The following MICU2 variants were observed in gnomAD, a reference collection of about 807,000 sequenced individuals.
The protein encoded by MICU2 is calcium uptake protein 2, mitochondrial.
MICU2 carries 64 observed loss-of-function variants against 60.4 expected under a neutral mutation model. That is an observed-to-expected ratio of 1.06 (90% CI 0.87 to 1.31). The LOEUF is 1.31. Among genes scored for constraint, MICU2 ranks in the 50% most tolerant of loss-of-function variants. The pLI is 0.00. For missense variants in MICU2, 569 were observed against 531.0 expected (o/e 1.07, Z -0.70); for synonymous variants, 201 against 175.0 (o/e 1.15, Z -1.17).
At chr13:21,526,957 T>C (rs934205021) in intron 4 of MICU2, among the ~76,000 whole-genome samples, 15 of 152,184 alleles carry the variant, frequency 9.9e-5, no homozygotes, top group Non-Finnish European at 2.9e-5. Flanking sequence ...GGGCCAAAGG[T>C]AGTTCAGAGC....
At chr13:21,553,296 C>G (rs1261395297) in intron 2 of MICU2, among the ~76,000 whole-genome samples, 3 of 152,030 alleles carry the variant, frequency 2.0e-5, no homozygotes, top group African/African-American at 7.2e-5. Flanking sequence ...AGACTTTGCT[C>G]AAGTTGCTTA....
At chr13:21,541,594 T>C (rs1887284385) in intron 2 of MICU2, among the ~76,000 whole-genome samples, 1 of 152,174 alleles carries the variant, frequency 6.6e-6, no homozygotes. Context: ...GGATAAATTA[T>C]TATATCCCCA....
chr13:21,577,615 C>T (rs1888253940), intron 1 of MICU2, among the ~76,000 whole-genome samples: 1 of 151,854 alleles, frequency 6.6e-6, no homozygotes, highest in African/African-American at 2.4e-5. Flanking sequence ...AGACCAGTGG[C>T]CAACATGGTG....
In MICU2 at chr13:21,492,874, A is replaced by G. The variant is rs1885892650; in HGVS notation, c.*375T>C. The G allele has an allele frequency of 1.9e-5, 3 of 156,284 alleles. No individual in the cohort carries two copies. The highest frequency in any genetic ancestry group is 6.5e-5 in the Admixed American group (1 of 15,368). The allele number at this position is 156,284 out of a possible 1,614,324, so 9.7% of individuals were successfully genotyped here. The stretch of plus-strand genomic sequence containing the variant: ...TAACTTCATTTAGCCTATTAGGAAC[A>G]TGAAGATGTCTGGAATTGATGCTGG... On this transcript the variant is annotated 3_prime_UTR_variant, in exon 12 of 12. Coordinates refer to ENST00000382374, the MANE Select transcript of MICU2 (RefSeq NM_152726.3).
At chr13:21,533,055 T>C (rs961791138) in intron 4 of MICU2, among the ~76,000 whole-genome samples, 9 of 152,040 alleles carry the variant, frequency 5.9e-5, no homozygotes, top group African/African-American at 1.7e-4. Context: ...TACAGAGACA[T>C]GGGCTTATGT....
Position 21,545,890 on chromosome 13 carries a change from G to A in MICU2, c.359-6202C>T, listed in dbSNP as rs182355870. Among the ~76,000 whole-genome samples, 323 of 152,218 alleles carry A rather than the reference G, an allele frequency of 2.1e-3. 1 individual carries two copies. The highest frequency in any genetic ancestry group is 7.5e-3 in the African/African-American group (313 of 41,520). Reference sequence around the variant, plus strand: ...CCTAGTTTCAAAGATCTAGAAGGAGGAAACTGAATGTTCTCAACACAAAGA... The same window carrying A: ...CCTAGTTTCAAAGATCTAGAAGGAGAAAACTGAATGTTCTCAACACAAAGA... On this transcript the variant is annotated intron_variant, in intron 2 of 11. Transcript: ENST00000382374.
chr13:21,535,606 A>C (rs1887111658), intron 4 of MICU2, among the ~76,000 whole-genome samples: 1 of 152,314 alleles, frequency 6.6e-6, no homozygotes, highest in South Asian at 2.1e-4. Context: ...ATTTATTTAC[A>C]AACTCATTAA....
intron 4 of MICU2, among the ~76,000 whole-genome samples, chr13:21,523,206 T>C (rs550476825): frequency 3.9e-5 from 6 of 152,330 alleles, no homozygotes; most frequent in Admixed American, 3.3e-4. Context: ...AGCTTGCAGA[T>C]GGCAGATCAT....
At chr13:21,596,192 T>A (rs1251004816) in intron 1 of MICU2, among the ~76,000 whole-genome samples, 2 of 152,162 alleles carry the variant, frequency 1.3e-5, no homozygotes, top group Non-Finnish European at 2.9e-5. Flanking sequence ...GGGAGCCTTG[T>A]GCAACTCTAT....
intron 2 of MICU2, among the ~76,000 whole-genome samples, chr13:21,564,552 T>C (rs4770174): frequency 0.31 from 47,591 of 152,070 alleles, 8,555 homozygotes; most frequent in South Asian, 0.4. Context: ...ACTGTGTGAC[T>C]GTGAAGGGAT....
intron 1 of MICU2, among the ~76,000 whole-genome samples, chr13:21,575,319 C>A (rs1181835536): frequency 6.6e-6 from 1 of 151,872 alleles, no homozygotes; most frequent in Non-Finnish European, 1.5e-5. Context: ...ACGGAATACT[C>A]ATTTTTGCTT....
intron 2 of MICU2, among the ~76,000 whole-genome samples, chr13:21,559,739 G>A (rs886396202): frequency 6.6e-6 from 1 of 152,046 alleles, no homozygotes; most frequent in African/African-American, 2.4e-5. Flanking sequence ...TGGCCAGGCT[G>A]GTCTTGAACT....
chr13:21,534,202 T>TTTTCC (rs1887078257), intron 4 of MICU2, among the ~76,000 whole-genome samples: 1 of 144,910 alleles, frequency 6.9e-6, no homozygotes. Flanking sequence ...AAATATTTCC[T>TTTTCC]TTTCCTTTCC....
chr13:21,568,988 T>A (rs1260109586), intron 1 of MICU2, among the ~76,000 whole-genome samples: 1 of 152,172 alleles, frequency 6.6e-6, no homozygotes, highest in Non-Finnish European at 1.5e-5. Context: ...AAGTGCCATC[T>A]TACTGAGTTG....
At chr13:21,554,264 T>C (rs1200049) in intron 2 of MICU2, among the ~76,000 whole-genome samples, 52,656 of 151,954 alleles carry the variant, frequency 0.35, 9,489 homozygotes, top group South Asian at 0.41. Context: ...TATTCCAAAA[T>C]TGACCACACA....
chr13:21,603,910 G>C, intron 1 of MICU2, 29 bp downstream of exon 1: 1 of 1,607,634 alleles, frequency 6.2e-7, no homozygotes. Context: ...GAGCTTGACT[G>C]GGGCTAGCAG....
chr13:21,514,880 A>G (rs961022194), intron 6 of MICU2, among the ~76,000 whole-genome samples: 3 of 152,022 alleles, frequency 2.0e-5, no homozygotes, highest in African/African-American at 7.2e-5. Context: ...CTCTTAGACA[A>G]TGCAAGAATC....
chr13:21,509,965 A>G, intron 8 of MICU2, 39 bp downstream of exon 8: 2 of 1,214,100 alleles, frequency 1.6e-6, no homozygotes, highest in Non-Finnish European at 2.3e-6. Flanking sequence ...TTTCTTACCC[A>G]TAAAATTTCC....
intron 2 of MICU2, among the ~76,000 whole-genome samples, chr13:21,539,991 AT>A (rs1272760411): frequency 1.3e-5 from 2 of 152,180 alleles, no homozygotes; most frequent in Non-Finnish European, 2.9e-5. Context: ...CATATTATTA[AT>A]TCTTGTCAAA....
Sources: gnomAD v4.1 joint callset for allele counts (sites outside exome capture counted in the v4.1 genomes callset) on GRCh38, gnomAD v4.1.1 for gene constraint, MANE v1.5 for transcripts, NCBI Gene and HGNC (gene_info 2026-07-23, HGNC 2026-07-21) for gene names.